Variants in FEZ2 observed in about 807,000 individuals in gnomAD.
FEZ2 encodes the protein fasciculation and elongation protein zeta 2.
A neutral mutation model predicts 40.4 loss-of-function variants in FEZ2; 51 were observed. That is an observed-to-expected ratio of 1.26 (90% CI 1.01 to 1.59). The LOEUF (loss-of-function observed/expected upper bound fraction) is 1.59. FEZ2 is among the 40% of genes most tolerant of loss of function. The pLI is 0.00. For missense variants in FEZ2, 640 were observed against 438.3 expected, an observed-to-expected ratio of 1.46 and a Z score of -4.11; for synonymous variants, 242 against 172.0, an observed-to-expected ratio of 1.41 and a Z score of -3.18.
At position 36,591,200 on chromosome 2, in the gene FEZ2, T is replaced by C. The variant is rs140577241; in HGVS notation, c.267-189A>G. 605 of 584,292 alleles carry C rather than the reference T, an allele frequency of 1.0e-3. 7 individuals carry two copies. The highest frequency in any genetic ancestry group is 0.01 in the African/African-American group (544 of 53,484). 36.2% of individuals were successfully genotyped at this position (584,292 alleles called of 1,614,324 possible). On this transcript the variant is annotated intron_variant, in intron 1 of 7. Coordinates refer to ENST00000405912, the MANE Select transcript of FEZ2 (RefSeq NM_005102.3). ...AAAACGAGGTGAAAAATCACATAAC[T>C]GGGCTGACAAGAAGTCCTAAGGGAA...
At position 36,578,792 on chromosome 2, in the gene FEZ2, A is replaced by C. The variant is rs764610085; in HGVS notation, c.708T>G (p.Ser236=). 2.3e-5 allele frequency: 37 copies of C among 1,613,890 alleles called. No individual in the cohort carries two copies. In the Admixed American group the frequency reaches 5.8e-4, roughly 25 times the overall value. ...EEIETAIKEY[S]EELVQQLALR... ...AAGCCAACTGCTGCACCAGCTCCTCAGAGTACTCCTTAATGGCAGTCTCAA... is the reference window on the plus strand; with the variant it reads ...AAGCCAACTGCTGCACCAGCTCCTCCGAGTACTCCTTAATGGCAGTCTCAA... The change falls in exon 5 of 8, where the codon TCT becomes TCG. Residue 236 remains serine, a synonymous_variant. Transcript: ENST00000405912.
At chr2:36,583,721 G>GA (rs1668824993) in intron 2 of FEZ2, among the ~76,000 whole-genome samples, 2 of 152,254 alleles carry the variant, frequency 1.3e-5, no homozygotes, top group South Asian at 2.1e-4. Context: ...CAGATATGCA[G>GA]AAAAAAATAC....
chr2:36,574,221 T>A (rs145318035), intron 5 of FEZ2, among the ~76,000 whole-genome samples: 7 of 152,340 alleles, frequency 4.6e-5, no homozygotes, highest in Admixed American at 4.6e-4. Context: ...GCCGTCTGTA[T>A]GTAGGACGAA....
chr2:36,557,704 T>C (rs923123937), intron 6 of FEZ2: 1 of 152,188 alleles, frequency 6.6e-6, no homozygotes, highest in Non-Finnish European at 1.5e-5. Context: ...ATATTTTTTA[T>C]CCTAGTTTTT....
intron 5 of FEZ2, among the ~76,000 whole-genome samples, chr2:36,574,242 C>T (rs1374293172): frequency 1.3e-5 from 2 of 152,168 alleles, no homozygotes; most frequent in African/African-American, 4.8e-5. Context: ...GATTCAAACA[C>T]AGCTCTTAAC....
intron 5 of FEZ2, among the ~76,000 whole-genome samples, chr2:36,570,756 TG>T: frequency 6.6e-6 from 1 of 152,314 alleles, no homozygotes; most frequent in South Asian, 2.1e-4. Flanking sequence ...AGTAACACAA[TG>T]GTAAGTATTT....
intron 5 of FEZ2, among the ~76,000 whole-genome samples, chr2:36,573,815 G>C (rs986452208): frequency 2.6e-5 from 4 of 152,248 alleles, no homozygotes; most frequent in Admixed American, 1.3e-4. Flanking sequence ...CCCATTGTTT[G>C]CCTGTGCAGT....
chr2:36,583,598 A>G, intron 2 of FEZ2, 129 bp from the exon 3 acceptor site: 1 of 619,604 alleles, frequency 1.6e-6, no homozygotes, highest in South Asian at 1.9e-5. Flanking sequence ...AGAAATTATT[A>G]CAATCACTCT....
chr2:36,575,575 C>T (rs1668545103), intron 5 of FEZ2, among the ~76,000 whole-genome samples: 1 of 152,178 alleles, frequency 6.6e-6, no homozygotes, highest in Non-Finnish European at 1.5e-5. Flanking sequence ...CAACATACAG[C>T]ATTATGGTTA....
rs528723289 is a variant in FEZ2 at position 36,592,528 on chromosome 2, G to A, written c.267-1517C>T. Among the ~76,000 whole-genome samples the A allele has an allele frequency of 6.6e-5, 10 of 152,234 alleles. No homozygotes were observed. The South Asian group carries it at 2.1e-3, about 32-fold the overall frequency. ...TGGCTTTAAAATGCACGTTAGGGAT[G>A]GGCCTGGTGGCTCATGCCTGTAATC... On this transcript the variant is annotated intron_variant, in intron 1 of 7. Coordinates refer to ENST00000405912, the MANE Select transcript of FEZ2 (RefSeq NM_005102.3).
chr2:36,578,921 A>C, intron 4 of FEZ2, 56 bp from the exon 5 acceptor site: 1 of 1,457,782 alleles, frequency 6.9e-7, no homozygotes, highest in Non-Finnish European at 9.4e-7. Flanking sequence ...TCAAGGAAGC[A>C]AAACAGAGTA....
intron 1 of FEZ2, 99 bp downstream of exon 1, chr2:36,597,778 G>C: frequency 1.1e-6 from 1 of 930,472 alleles, no homozygotes; most frequent in Non-Finnish European, 1.4e-6. Flanking sequence ...GCGTCCGGGC[G>C]GAAGGAGGGC....
intron 5 of FEZ2, among the ~76,000 whole-genome samples, chr2:36,575,019 C>G (rs1668520943): frequency 6.6e-6 from 1 of 152,206 alleles, no homozygotes; most frequent in African/African-American, 2.4e-5. Context: ...AGCTTCCCAA[C>G]AGCATCACCA....
chr2:36,596,339 G>T (rs545010535), intron 1 of FEZ2, among the ~76,000 whole-genome samples: 1 of 152,168 alleles, frequency 6.6e-6, no homozygotes, highest in African/African-American at 2.4e-5. Context: ...CAAAGGAAAG[G>T]AGACAATCAG....
At chr2:36,560,557 G>A (rs768444427) in intron 5 of FEZ2, among the ~76,000 whole-genome samples, 3 of 152,144 alleles carry the variant, frequency 2.0e-5, no homozygotes, top group Admixed American at 1.3e-4. Flanking sequence ...TATAAAACAC[G>A]TCTTAAGAAT....
rs1669298086 is a variant in FEZ2, at chr2:36,598,117, T to A, written c.26A>T (p.Asp9Val). 1.4e-6 allele frequency: 2 copies of A among 1,468,414 alleles called. No homozygotes were observed. The highest frequency in any genetic ancestry group is 1.8e-6 in the Non-Finnish European group (2 of 1,122,356). The allele number at this position is 1,468,414 out of a possible 1,614,324, so 91.0% of individuals were successfully genotyped here. Residue 9 changes from aspartate (D) to valine (V), a missense_variant, in exon 1 of 8, where the codon GAT (aspartate) becomes GTT (valine). Transcript: ENST00000405912. ...GGCCGGCTCCTGGAACTCATAGAAA[T>A]CCTGCCAGTCCCCGTCCGCCGCCAT... MAADGDWQ[D>V]FYEFQEPARS...
intron 1 of FEZ2, among the ~76,000 whole-genome samples, chr2:36,595,352 G>T (rs987261068): frequency 6.6e-6 from 1 of 151,884 alleles, no homozygotes; most frequent in African/African-American, 2.4e-5. Flanking sequence ...CTATCTGGGG[G>T]AGAGGGGAAA....
chr2:36,597,358 G>A lies in FEZ2; in HGVS notation c.266+519C>T, dbSNP rs1669257026. 2.0e-5 allele frequency among the ~76,000 whole-genome samples: 3 copies of A among 152,044 alleles called. No homozygotes were observed. The South Asian group carries it at 6.2e-4, about 32-fold the overall frequency. Reference sequence around the variant, plus strand: ...CACGCTTTTAAGTCTCTCACATTTGGTACATATAACCATTGCAGCGCTAAT... The same window carrying A: ...CACGCTTTTAAGTCTCTCACATTTGATACATATAACCATTGCAGCGCTAAT... On this transcript the variant is annotated intron_variant, in intron 1 of 7. Coordinates refer to ENST00000405912, the MANE Select transcript of FEZ2 (RefSeq NM_005102.3).
intron 1 of FEZ2, among the ~76,000 whole-genome samples, chr2:36,597,596 G>A (rs188874962): frequency 1.3e-4 from 20 of 152,276 alleles, no homozygotes; most frequent in African/African-American, 4.8e-4. Context: ...TATGGGCTCT[G>A]CATGGGCGAT....
Sources: allele counts gnomAD v4.1 joint callset (sites outside exome capture counted in the v4.1 genomes callset), GRCh38; gene constraint gnomAD v4.1.1; transcripts MANE v1.5; gene names NCBI Gene and HGNC (gene_info 2026-07-23, HGNC 2026-07-21).